The following JAM3 variants were observed in gnomAD, a reference collection of about 807,000 sequenced individuals.
JAM3 encodes junctional adhesion molecule 3, also known as junctional adhesion molecule C.
JAM3 carries 31 observed loss-of-function variants against 39.4 expected under a neutral mutation model. The ratio of observed to expected loss-of-function variants is 0.79; its 90% CI spans 0.59 to 1.06. The LOEUF is 1.06. Ranked by LOEUF, JAM3 falls within the 50% of genes least tolerant of loss-of-function variation. JAM3 has a pLI of 0.00. For synonymous variants in JAM3, 182 were observed against 148.7 expected, an observed-to-expected ratio of 1.22 and a Z score of -1.63; for missense variants, 455 against 391.4, an observed-to-expected ratio of 1.16 and a Z score of -1.37.
chr11:134,140,883 C>T, intron 3 of JAM3, 113 bp downstream of exon 3: 1 of 1,356,702 alleles, frequency 7.4e-7, no homozygotes, highest in Non-Finnish European at 9.9e-7. Context: ...GTAGCTAGGA[C>T]CGTTTTTTTT....
chr11:134,128,107 C>T (rs977376453), intron 1 of JAM3, among the ~76,000 whole-genome samples: 2 of 152,068 alleles, frequency 1.3e-5, no homozygotes, highest in Admixed American at 6.5e-5. Flanking sequence ...GAAAGGTTTT[C>T]CTCTTGGGCT....
At chr11:134,145,920 T>G (rs1943062913) in intron 5 of JAM3, 26 bp from the exon 6 acceptor site, 1 of 1,533,854 alleles carries the variant, frequency 6.5e-7, no homozygotes. Flanking sequence ...TGGGTCCGAT[T>G]ATTTACTTGT....
intron 1 of JAM3, among the ~76,000 whole-genome samples, chr11:134,092,366 C>T (rs1205611161): frequency 2.8e-4 from 27 of 95,798 alleles, no homozygotes; most frequent in East Asian, 1.1e-3. Context: ...CCACCTTAAA[C>T]GTCACTTCCT....
chr11:134,087,031 A>C (rs1941755996), intron 1 of JAM3, among the ~76,000 whole-genome samples: 1 of 152,028 alleles, frequency 6.6e-6, no homozygotes, highest in South Asian at 2.1e-4. Flanking sequence ...TCTCAAACCC[A>C]TGGGCTCAAG....
chr11:134,123,785 A>C, intron 1 of JAM3: 1 of 715,324 alleles, frequency 1.4e-6, no homozygotes, highest in Non-Finnish European at 2.6e-6. Context: ...GGTTCCCTCT[A>C]AATGCCACAA....
chr11:134,144,089 A>T lies in JAM3; in HGVS notation c.257-152A>T. 1.1e-5 allele frequency: 7 copies of T among 626,816 alleles called. 1 individual carries two copies. The highest frequency in any genetic ancestry group is 1.7e-5 in the South Asian group (1 of 58,542). 38.8% of individuals were successfully genotyped at this position (626,816 alleles called of 1,614,324 possible). On this transcript the variant is annotated intron_variant, in intron 3 of 8. Transcript: ENST00000299106. ...GAATAGGTCATGGTTCCTGTCCTCA[A>T]GAGAGTTCACTTCTGTACTCGGGAA... is the stretch of plus-strand genomic sequence containing the variant.
intron 1 of JAM3, among the ~76,000 whole-genome samples, chr11:134,135,756 T>C (rs751992856): frequency 6.6e-4 from 101 of 152,146 alleles, no homozygotes; most frequent in Non-Finnish European, 1.1e-3. Flanking sequence ...GTATCTAGTA[T>C]ATAATAAGAG....
intron 1 of JAM3, among the ~76,000 whole-genome samples, chr11:134,103,752 G>C (rs1001816390): frequency 2.6e-5 from 4 of 151,936 alleles, no homozygotes; most frequent in Non-Finnish European, 5.9e-5. Flanking sequence ...CAACAAAGAT[G>C]AAAAGAGACA....
At chr11:134,101,577 C>T (rs187836513) in intron 1 of JAM3, among the ~76,000 whole-genome samples, 1 of 152,230 alleles carries the variant, frequency 6.6e-6, no homozygotes, top group African/African-American at 2.4e-5. Context: ...TGCTCTAATA[C>T]CAAAAAGTGT....
intron 1 of JAM3, among the ~76,000 whole-genome samples, chr11:134,094,148 A>G (rs1196887405): frequency 2.0e-5 from 3 of 146,710 alleles, no homozygotes; most frequent in Non-Finnish European, 4.5e-5. Context: ...TCCACCTTAC[A>G]TGTCACTTCC....
chr11:134,103,200 C>T (rs1390378325), intron 1 of JAM3, among the ~76,000 whole-genome samples: 2 of 152,086 alleles, frequency 1.3e-5, no homozygotes, highest in African/African-American at 4.8e-5. Flanking sequence ...AGAGTGGGGG[C>T]CAATATTCAA....
intron 1 of JAM3, among the ~76,000 whole-genome samples, chr11:134,127,791 A>G (rs648898): frequency 1.3e-5 from 2 of 152,258 alleles, no homozygotes; most frequent in African/African-American, 4.8e-5. Flanking sequence ...ATGGAGTGAC[A>G]ACCGCTGCTC....
At chr11:134,115,890 A>C (rs470957) in intron 1 of JAM3, among the ~76,000 whole-genome samples, 1 of 151,944 alleles carries the variant, frequency 6.6e-6, no homozygotes, top group Non-Finnish European at 1.5e-5. Flanking sequence ...GAATGAGACC[A>C]TGTCTCAAAA....
chr11:134,135,410 T>A (rs1290028109), intron 1 of JAM3, among the ~76,000 whole-genome samples: 1 of 152,214 alleles, frequency 6.6e-6, no homozygotes, highest in Non-Finnish European at 1.5e-5. Context: ...CCCCACACTG[T>A]TTTGATCATC....
intron 1 of JAM3, among the ~76,000 whole-genome samples, chr11:134,108,695 A>G (rs1378477431): frequency 6.6e-6 from 1 of 152,224 alleles, no homozygotes; most frequent in East Asian, 1.9e-4. Flanking sequence ...ATATCACCAT[A>G]TTACATTCTC....
intron 1 of JAM3, among the ~76,000 whole-genome samples, chr11:134,101,731 G>T (rs1480733338): frequency 2.0e-5 from 3 of 152,010 alleles, no homozygotes; most frequent in Non-Finnish European, 2.9e-5. Flanking sequence ...TTTTCCTCCA[G>T]TTTTTATCGA....
At chr11:134,133,879 AG>A (rs1321402155) in intron 1 of JAM3, among the ~76,000 whole-genome samples, 3 of 152,232 alleles carry the variant, frequency 2.0e-5, no homozygotes, top group Non-Finnish European at 4.4e-5. Context: ...CATACTAAAA[AG>A]CAAAAACAGT....
At chr11:134,099,213 T>G (rs541643800) in intron 1 of JAM3, among the ~76,000 whole-genome samples, 1 of 151,780 alleles carries the variant, frequency 6.6e-6, no homozygotes, top group African/African-American at 2.4e-5. Flanking sequence ...AAAATAAAAA[T>G]AAAAATAATA....
At chr11:134,144,139 C>A in intron 3 of JAM3, 102 bp from the exon 4 acceptor site, 1 of 1,095,464 alleles carries the variant, frequency 9.1e-7, no homozygotes, top group Non-Finnish European at 1.4e-6. Flanking sequence ...GATCTGCAGG[C>A]TTCCTTGCTG....
Sources: gnomAD v4.1 joint callset for allele counts (sites outside exome capture counted in the v4.1 genomes callset) on GRCh38, gnomAD v4.1.1 for gene constraint, MANE v1.5 for transcripts, NCBI Gene and HGNC (gene_info 2026-07-23, HGNC 2026-07-21) for gene names.